Variants in TMEM94 observed in about 807,000 individuals in gnomAD.
The protein encoded by TMEM94 is transmembrane protein 94.
TMEM94 carries 81 observed loss-of-function variants against 158.6 expected under a neutral mutation model. The ratio of observed to expected loss-of-function variants is 0.51; its 90% CI spans 0.43 to 0.61. The LOEUF (loss-of-function observed/expected upper bound fraction) is 0.61. TMEM94 is among the 20% of genes least tolerant of loss of function. The pLI is 0.00. For synonymous variants in TMEM94, 751 were observed against 730.7 expected (o/e 1.03, Z -0.45); for missense variants, 1,435 against 1,762.0 (o/e 0.81, Z 3.32).
chr17:75,461,771 G>A (rs2050076298), intron 1 of TMEM94, among the ~76,000 whole-genome samples: 1 of 151,378 alleles, frequency 6.6e-6, no homozygotes, highest in Admixed American at 6.6e-5. Context: ...AAAATTAGCT[G>A]GGCGTGGTGG....
At chr17:75,457,040 C>T (rs1264730255) in intron 1 of TMEM94, among the ~76,000 whole-genome samples, 1 of 152,194 alleles carries the variant, frequency 6.6e-6, no homozygotes, top group African/African-American at 2.4e-5. Flanking sequence ...AATCCCTGCC[C>T]CAGGTCTGTC....
Position 75,495,599 on chromosome 17 carries a change from A to G in TMEM94, c.2900A>G (p.Asn967Ser). Reference sequence around the variant, plus strand: ...CGGCCCCACCTGCAGAACATTGACAACGTGCCCCTGCTAGTGCCCCTTTTC... The same window carrying G: ...CGGCCCCACCTGCAGAACATTGACAGCGTGCCCCTGCTAGTGCCCCTTTTC... Reference protein sequence around the residue: ...QVRPHLQNIDNVPLLVPLFTD... With the variant: ...QVRPHLQNIDSVPLLVPLFTD... Residue 967 changes from asparagine (N) to serine (S), a missense_variant, in exon 22 of 32, where the codon AAC (asparagine) becomes AGC (serine). Asn to Ser is a conservative substitution (Grantham distance 46). This residue lies in a region of TMEM94 where 49 missense variants were observed against 98.5 expected (regional missense o/e 0.50). Transcript: ENST00000314256. The surrounding 1 kb of genome is among the most constrained non-coding windows in gnomAD (Gnocchi z 5.6). The G allele has an allele frequency of 1.2e-6, 2 of 1,613,558 alleles. No individual in the cohort carries two copies. The highest frequency in any genetic ancestry group is 1.7e-6 in the Non-Finnish European group (2 of 1,180,000).
chr17:75,493,635 T>C (rs760847231), intron 17 of TMEM94, 42 bp downstream of exon 17: 135 of 1,613,106 alleles, frequency 8.4e-5, no homozygotes, highest in Non-Finnish European at 1.1e-4. Context: ...GCAGTCGCGC[T>C]GCCGGGGCAC....
At chr17:75,481,051 C>T (rs1310286452) in intron 2 of TMEM94, among the ~76,000 whole-genome samples, 1 of 152,212 alleles carries the variant, frequency 6.6e-6, no homozygotes, top group Non-Finnish European at 1.5e-5. Flanking sequence ...GAACAGACGT[C>T]CATGCCCACA....
At position 75,489,816 on chromosome 17, in the gene TMEM94, C is replaced by A; in HGVS notation, c.954+154C>A. ...CTCTTTCCAGCTGGGCGTGGGGACT[C>A]AGGCCTGTAATCCAAGCACTTTGGG... On this transcript the variant is annotated intron_variant, in intron 9 of 31. Coordinates refer to ENST00000314256, the MANE Select transcript of TMEM94 (RefSeq NM_014738.6). The surrounding 1 kb of genome is among the most constrained non-coding windows in gnomAD (Gnocchi z 5.0). The A allele has an allele frequency of 1.4e-6, 1 of 694,948 alleles. No individual in the cohort carries two copies. The highest frequency in any genetic ancestry group is 2.5e-6 in the Non-Finnish European group (1 of 402,712). 43.0% of individuals were successfully genotyped at this position (694,948 alleles called of 1,614,324 possible).
rs762789850 is a variant in TMEM94 at position 75,492,811 on chromosome 17, G to T, written c.1912+22G>T. On this transcript the variant is annotated intron_variant, in intron 15 of 31. Transcript: ENST00000314256. This position sits in a 1 kb window ranked among gnomAD's most constrained non-coding sequence, Gnocchi z 4.4. ...ATTGGTACAGGTCCCCATGGCAGGG[G>T]ATGGCTGGCTGGACCCGCCTCCTAG... The T allele has an allele frequency of 6.3e-7, 1 of 1,591,700 alleles. No homozygotes were observed. The highest frequency in any genetic ancestry group is 1.7e-5 in the Admixed American group (1 of 59,298).
chr17:75,499,267 G>A lies in TMEM94; in HGVS notation c.4004G>A (p.Arg1335Gln), dbSNP rs527567512. The change falls in exon 32 of 32, where the codon CGA becomes CAA. Residue 1335 changes from arginine to glutamine, a missense_variant. By Grantham distance (43) the Arg-to-Gln change is conservative (BLOSUM62 1). Around this residue, in one of 3 missense-constraint regions of TMEM94, gnomAD observed 335 missense variants for 409.1 expected, o/e 0.82. Transcript: ENST00000314256. ...EIVKLHEIRV[R>Q]VRYQKRQKLQ... ...TTAATCTCCTGCCCCACCAGGGTCCGAGTCCGCTACCAGAAGCGACAGAAG... is the reference window on the plus strand; with the variant it reads ...TTAATCTCCTGCCCCACCAGGGTCCAAGTCCGCTACCAGAAGCGACAGAAG... The A allele has an allele frequency of 5.6e-6, 9 of 1,613,610 alleles. No homozygotes were observed. The highest frequency in any genetic ancestry group is 2.2e-5 in the East Asian group (1 of 44,890).
intron 1 of TMEM94, among the ~76,000 whole-genome samples, chr17:75,466,031 A>G (rs1045791721): frequency 6.6e-6 from 1 of 151,932 alleles, no homozygotes; most frequent in East Asian, 1.9e-4. Context: ...TGATTCCCCT[A>G]CCTCAGCCTC....
In TMEM94 at chr17:75,487,826, C is replaced by A; in HGVS notation, c.410-106C>A. On this transcript the variant is annotated intron_variant, in intron 5 of 31. Coordinates refer to ENST00000314256, the MANE Select transcript of TMEM94 (RefSeq NM_014738.6). This position sits in a 1 kb window ranked among gnomAD's most constrained non-coding sequence, Gnocchi z 4.6. Reference sequence around the variant, plus strand: ...AGTGGAGGGGTTTGACGCAGACCTCCTGGGAGAGGAAGTGGGCAGACAGTG... The same window carrying A: ...AGTGGAGGGGTTTGACGCAGACCTCATGGGAGAGGAAGTGGGCAGACAGTG... 1.1e-6 allele frequency: 1 copy of A among 916,490 alleles called. No homozygotes were observed. Among genetic ancestry groups the A allele is most frequent in the Non-Finnish European group, 1.7e-6 (1 of 576,824 alleles). 56.8% of individuals were successfully genotyped at this position (916,490 alleles called of 1,614,324 possible).
At position 75,475,276 on chromosome 17, in the gene TMEM94, A is replaced by G. The variant is rs369572352; in HGVS notation, c.24+3347A>G. 4.0e-5 allele frequency among the ~76,000 whole-genome samples: 6 copies of G among 151,882 alleles called. No homozygotes were observed. The East Asian group carries it at 7.8e-4, about 20-fold the overall frequency. On this transcript the variant is annotated intron_variant, in intron 2 of 31. Coordinates refer to ENST00000314256, the MANE Select transcript of TMEM94 (RefSeq NM_014738.6). Reference sequence around the variant, plus strand: ...GCCCTCCCTTCTGTTCTCACTCAGCACTCTGTTTGGGGGCCGCACAGGGAG... The same window carrying G: ...GCCCTCCCTTCTGTTCTCACTCAGCGCTCTGTTTGGGGGCCGCACAGGGAG...
In TMEM94 at chr17:75,489,926, A is replaced by C; in HGVS notation, c.954+264A>C. 1.8e-6 allele frequency: 1 copy of C among 568,968 alleles called. No homozygotes were observed. Among genetic ancestry groups the C allele is most frequent in the Non-Finnish European group, 3.1e-6 (1 of 317,500 alleles). The allele number at this position is 568,968 out of a possible 1,614,324, so 35.2% of individuals were successfully genotyped here. On this transcript the variant is annotated intron_variant, in intron 9 of 31. Coordinates refer to ENST00000314256, the MANE Select transcript of TMEM94 (RefSeq NM_014738.6). The surrounding 1 kb of genome is among the most constrained non-coding windows in gnomAD (Gnocchi z 5.0). ...AAACCCCGTCTCTACTAAGAATATA[A>C]AAATTAGCTGGGCGTGGTGGCACGT...
intron 2 of TMEM94, chr17:75,476,877 A>G (rs2050719181): frequency 2.9e-6 from 4 of 1,385,664 alleles, no homozygotes; most frequent in Non-Finnish European, 3.9e-6. Context: ...TTGAATGAGC[A>G]TGGGTAGCTG....
At position 75,496,012 on chromosome 17, in the gene TMEM94, C is replaced by T; in HGVS notation, c.2991C>T (p.Thr997=). The change falls in exon 23 of 32, where the codon ACC becomes ACT. Residue 997 remains threonine, a synonymous_variant. Transcript: ENST00000314256. ...IKIMQEYGEV[T]CCLGSSANLR... is the part of the protein sequence containing the mutation. ...TCATGCAAGAGTACGGGGAGGTGAC[C>T]TGCTGCCTGGGCAGCTCTGCCAACC... 3 of 1,613,536 alleles carry T rather than the reference C, an allele frequency of 1.9e-6. No homozygotes were observed. Among genetic ancestry groups the T allele is most frequent in the Non-Finnish European group, 2.5e-6 (3 of 1,179,978 alleles).
At chr17:75,490,540 C>T (rs763463930) in intron 10 of TMEM94, among the ~76,000 whole-genome samples, 162 bp from the exon 11 acceptor site, 19 of 152,202 alleles carry the variant, frequency 1.2e-4, no homozygotes, top group Non-Finnish European at 2.5e-4. Context: ...TGTGAGTGAG[C>T]GTCTGCCCTG....
At chr17:75,479,559 C>T (rs1263459013) in intron 2 of TMEM94, among the ~76,000 whole-genome samples, 1 of 151,902 alleles carries the variant, frequency 6.6e-6, no homozygotes, top group African/African-American at 2.4e-5. Context: ...ATCTCGTGAT[C>T]CCCCTGCCTC....
chr17:75,483,171 G>T (rs1192690401), intron 2 of TMEM94, among the ~76,000 whole-genome samples: 1 of 152,202 alleles, frequency 6.6e-6, no homozygotes, highest in Non-Finnish European at 1.5e-5. Context: ...GTCAGGAGGA[G>T]CAGGAAAGGA....
At position 75,498,105 on chromosome 17, in the gene TMEM94, AC is replaced by A. The variant is rs1350592617; in HGVS notation, c.3490-69del. 6.3e-7 allele frequency: 1 copy of A among 1,588,638 alleles called. No homozygotes were observed. Among genetic ancestry groups the A allele is most frequent in the African/African-American group, 1.3e-5 (1 of 74,452 alleles). On this transcript the variant is annotated intron_variant, in intron 27 of 31. Coordinates refer to ENST00000314256, the MANE Select transcript of TMEM94 (RefSeq NM_014738.6). This position sits in a 1 kb window ranked among gnomAD's most constrained non-coding sequence, Gnocchi z 6.7. ...ACCATTTACTAAGAGCCCGTTGAAT[AC>A]GTGGAAGAGCTAGGAGCAGCCGGCA...
intron 1 of TMEM94, among the ~76,000 whole-genome samples, chr17:75,458,688 C>CT (rs1288753293): frequency 7.1e-6 from 1 of 140,194 alleles, no homozygotes; most frequent in East Asian, 2.0e-4. Context: ...GAGCAAGACT[C>CT]TGTCTCCAAA....
chr17:75,498,705 C>T lies in TMEM94; in HGVS notation c.3810C>T (p.Ala1270=), dbSNP rs770321793. The stretch of plus-strand genomic sequence containing the variant: ...GCCCCTTGACCAACCTCTGGTGGGC[C>T]GTGACAGTGCCTGTGGTGTGAGTAT... ...RKSPLTNLWW[A]VTVPVVLLGQ... Residue 1270 remains alanine (A), a synonymous_variant, in exon 30 of 32, where the codon GCC becomes GCT. Coordinates refer to ENST00000314256, the MANE Select transcript of TMEM94 (RefSeq NM_014738.6). The surrounding 1 kb of genome is among the most constrained non-coding windows in gnomAD (Gnocchi z 6.7). 16 of 1,570,704 alleles carry T rather than the reference C, an allele frequency of 1.0e-5. No individual in the cohort carries two copies. The highest frequency in any genetic ancestry group is 5.4e-5 in the African/African-American group (4 of 73,982).
Sources: gnomAD v4.1 joint callset for allele counts (sites outside exome capture counted in the v4.1 genomes callset) on GRCh38, gnomAD v4.1.1 for gene constraint, gnomAD v4.1.1 regional missense constraint, Gnocchi (gnomAD v3.1) non-coding constraint, MANE v1.5 for transcripts, NCBI Gene and HGNC (gene_info 2026-07-23, HGNC 2026-07-21) for gene names.